Variants in CACNA2D3 observed in about 807,000 individuals in gnomAD.
CACNA2D3 encodes calcium voltage-gated channel auxiliary subunit alpha2delta 3.
CACNA2D3 carries 60 observed loss-of-function variants against 160.6 expected under a neutral mutation model. The ratio of observed to expected loss-of-function variants is 0.37; its 90% confidence interval spans 0.30 to 0.46. CACNA2D3 has a LOEUF of 0.46. CACNA2D3 is among the 20% of genes least tolerant of loss of function. The pLI, the probability that CACNA2D3 is intolerant of heterozygous loss-of-function variation, is 1.00. For missense variants in CACNA2D3, 1,205 were observed against 1,365.0 expected, an observed-to-expected ratio of 0.88 and a Z score of 1.85; for synonymous variants, 558 against 492.9, an observed-to-expected ratio of 1.13 and a Z score of -1.75.
chr3:54,916,775 A>G (rs1700673082), intron 27 of CACNA2D3, among the ~76,000 whole-genome samples: 1 of 152,198 alleles, frequency 6.6e-6, no homozygotes, highest in Non-Finnish European at 1.5e-5. Context: ...TCAGTTAGAG[A>G]ATGGACTACT....
At chr3:54,890,708 A>G (rs1700044443) in intron 24 of CACNA2D3, among the ~76,000 whole-genome samples, 2 of 152,120 alleles carry the variant, frequency 1.3e-5, no homozygotes, top group African/African-American at 2.4e-5. Context: ...TAGAGTTCCT[A>G]TGTGTAGCCT....
chr3:54,537,702 C>T (rs1410890434), intron 5 of CACNA2D3, among the ~76,000 whole-genome samples: 2 of 152,126 alleles, frequency 1.3e-5, no homozygotes, highest in African/African-American at 2.4e-5. Flanking sequence ...CGGGCATAGT[C>T]AAGTAGGGAT....
At chr3:54,523,556 A>C (rs1011251954) in intron 5 of CACNA2D3, among the ~76,000 whole-genome samples, 1 of 152,078 alleles carries the variant, frequency 6.6e-6, no homozygotes, top group Non-Finnish European at 1.5e-5. Flanking sequence ...CGTATTGGGA[A>C]TTGTTCTCCT....
intron 2 of CACNA2D3, among the ~76,000 whole-genome samples, chr3:54,224,829 T>C (rs1201285943): frequency 6.6e-6 from 1 of 152,034 alleles, no homozygotes; most frequent in Non-Finnish European, 1.5e-5. Context: ...ATGTTTCAGA[T>C]TTTCATAAGG....
At chr3:54,141,098 C>CGCGCGCGCGCGCACGTGCGT (rs59730153) in intron 2 of CACNA2D3, among the ~76,000 whole-genome samples, 3 of 64,744 alleles carry the variant, frequency 4.6e-5, no homozygotes, top group African/African-American at 1.4e-4. Context: ...CGCGCGCGCG[C>CGCGCGCGCGCGCACGTGCGT]GTGTGTGCAT....
At chr3:54,795,330 TAGC>T (rs1702845975) in intron 13 of CACNA2D3, among the ~76,000 whole-genome samples, 1 of 152,236 alleles carries the variant, frequency 6.6e-6, no homozygotes, top group Non-Finnish European at 1.5e-5. Context: ...TATTAAATTT[TAGC>T]AGCTAATTTA....
chr3:54,887,282 C>T (rs1190297191), intron 23 of CACNA2D3, among the ~76,000 whole-genome samples: 1 of 152,008 alleles, frequency 6.6e-6, no homozygotes, highest in Non-Finnish European at 1.5e-5. Flanking sequence ...AAAAATTAGC[C>T]AGGTGGTAGT....
intron 13 of CACNA2D3, among the ~76,000 whole-genome samples, chr3:54,807,117 G>A (rs1222845877): frequency 6.6e-6 from 1 of 152,074 alleles, no homozygotes; most frequent in Non-Finnish European, 1.5e-5. Context: ...GAAAACCTGG[G>A]CATTACCATT....
chr3:54,575,653 G>A (rs1702568203), intron 8 of CACNA2D3, among the ~76,000 whole-genome samples: 1 of 152,176 alleles, frequency 6.6e-6, no homozygotes, highest in Non-Finnish European at 1.5e-5. Context: ...GGCCAGTGCA[G>A]TCTTGGAGAG....
At chr3:54,508,610 A>G (rs1701409404) in intron 5 of CACNA2D3, among the ~76,000 whole-genome samples, 1 of 152,228 alleles carries the variant, frequency 6.6e-6, no homozygotes, top group Non-Finnish European at 1.5e-5. Context: ...AAGAAAAAAC[A>G]TAGGAAGTAA....
chr3:54,570,208 C>G (rs947980994), intron 8 of CACNA2D3, 104 bp downstream of exon 8: 5 of 1,184,924 alleles, frequency 4.2e-6, no homozygotes, highest in Non-Finnish European at 6.1e-6. Flanking sequence ...CATCTAGATG[C>G]CAGAACATGA....
At chr3:54,310,403 C>T (rs974245055) in intron 2 of CACNA2D3, among the ~76,000 whole-genome samples, 32 of 152,280 alleles carry the variant, frequency 2.1e-4, no homozygotes, top group South Asian at 4.1e-4. Flanking sequence ...AAGAAAACGA[C>T]GCTGTCTGTA....
intron 10 of CACNA2D3, among the ~76,000 whole-genome samples, chr3:54,640,669 T>G (rs1209859040): frequency 6.6e-6 from 1 of 152,228 alleles, no homozygotes; most frequent in Admixed American, 6.5e-5. Flanking sequence ...TATGTAAGTT[T>G]ACATGCCAAC....
At chr3:54,324,234 C>T (rs888083148) in intron 3 of CACNA2D3, among the ~76,000 whole-genome samples, 7 of 152,192 alleles carry the variant, frequency 4.6e-5, no homozygotes, top group Non-Finnish European at 1.0e-4. Flanking sequence ...TCCTCCATCA[C>T]TTTTCCCAGT....
intron 3 of CACNA2D3, among the ~76,000 whole-genome samples, chr3:54,364,545 T>C (rs1452023892): frequency 6.6e-6 from 1 of 152,230 alleles, no homozygotes. Flanking sequence ...TTTCCTTTCC[T>C]CTTAACACAT....
At chr3:54,359,169 G>C (rs1698700680) in intron 3 of CACNA2D3, among the ~76,000 whole-genome samples, 1 of 152,112 alleles carries the variant, frequency 6.6e-6, no homozygotes, top group African/African-American at 2.4e-5. Flanking sequence ...ATAGGTCTAG[G>C]CAAGCTCCCA....
At chr3:54,534,864 C>T (rs1347686420) in intron 5 of CACNA2D3, among the ~76,000 whole-genome samples, 2 of 152,130 alleles carry the variant, frequency 1.3e-5, no homozygotes, top group Non-Finnish European at 2.9e-5. Flanking sequence ...GAGGTTGAGG[C>T]TGCAGTGAGC....
chr3:54,341,768 A>G (rs1408000284), intron 3 of CACNA2D3, among the ~76,000 whole-genome samples: 2 of 152,194 alleles, frequency 1.3e-5, no homozygotes, highest in Non-Finnish European at 2.9e-5. Flanking sequence ...AGCTTCTGCT[A>G]TGAGACCTCC....
intron 14 of CACNA2D3, among the ~76,000 whole-genome samples, chr3:54,821,652 C>CTT (rs199529560): frequency 0.029 from 1,890 of 64,546 alleles, 14 homozygotes; most frequent in Non-Finnish European, 0.047. Context: ...TTCTTTCTTT[C>CTT]TTTCTTTCTT....
Sources: allele counts gnomAD v4.1 joint callset (sites outside exome capture counted in the v4.1 genomes callset), GRCh38; gene constraint gnomAD v4.1.1; transcripts MANE v1.5; gene names NCBI Gene and HGNC (gene_info 2026-07-23, HGNC 2026-07-21).